The following MEIS1 variants were observed in gnomAD, a reference collection of about 807,000 sequenced individuals.
MEIS1 encodes homeobox protein Meis1.
MEIS1 carries 5 observed loss-of-function variants against 50.8 expected under a neutral mutation model. The observed-to-expected ratio is 0.10, with a 90% CI of 0.05 to 0.21. The LOEUF (loss-of-function observed/expected upper bound fraction) is 0.21. Among genes scored for constraint, MEIS1 ranks in the 10% least tolerant of loss-of-function variants. MEIS1 has a pLI of 1.00. For missense variants in MEIS1, 318 were observed against 517.3 expected (o/e 0.61, Z 3.74); for synonymous variants, 176 against 179.3 (o/e 0.98, Z 0.15).
intron 9 of MEIS1, among the ~76,000 whole-genome samples, chr2:66,548,302 C>G (rs1286231342): frequency 6.6e-6 from 1 of 152,184 alleles, no homozygotes; most frequent in Non-Finnish European, 1.5e-5. Context: ...ATGTATCTCT[C>G]TCTATGGCTT....
chr2:66,450,684 G>C (rs1519102), intron 6 of MEIS1, among the ~76,000 whole-genome samples: 103,701 of 151,948 alleles, frequency 0.68, 35,876 homozygotes, highest in South Asian at 0.79. Flanking sequence ...CAGTAAATAA[G>C]ATTTTTGAGT....
intron 9 of MEIS1, among the ~76,000 whole-genome samples, chr2:66,566,047 C>G (rs1675339345): frequency 6.6e-6 from 1 of 152,072 alleles, no homozygotes; most frequent in African/African-American, 2.4e-5. Context: ...TAATGATAAC[C>G]TGATTTGCAA....
intron 9 of MEIS1, among the ~76,000 whole-genome samples, chr2:66,548,310 C>G (rs551088573): frequency 6.6e-6 from 1 of 151,504 alleles, no homozygotes; most frequent in Non-Finnish European, 1.5e-5. Flanking sequence ...CTCTCTATGG[C>G]TTTTTTTTTC....
intron 9 of MEIS1, among the ~76,000 whole-genome samples, chr2:66,565,112 T>C (rs1265847127): frequency 6.6e-6 from 1 of 152,078 alleles, no homozygotes; most frequent in Non-Finnish European, 1.5e-5. Flanking sequence ...GAAGTGACCA[T>C]TACAGCCCTT....
intron 6 of MEIS1, among the ~76,000 whole-genome samples, chr2:66,447,530 T>A (rs1348048774): frequency 2.0e-5 from 3 of 152,218 alleles, no homozygotes; most frequent in African/African-American, 7.2e-5. Flanking sequence ...ACTGGCTAAT[T>A]GGGATGTTCA....
chr2:66,568,967 T>C (rs1675419518), intron 11 of MEIS1, 83 bp from the exon 12 acceptor site: 7 of 1,200,776 alleles, frequency 5.8e-6, no homozygotes, highest in Non-Finnish European at 8.5e-6. Flanking sequence ...CTAGATCCTG[T>C]TTTTTTTTTA....
At chr2:66,465,233 A>G (rs1373185835) in intron 7 of MEIS1, among the ~76,000 whole-genome samples, 3 of 152,222 alleles carry the variant, frequency 2.0e-5, no homozygotes, top group Non-Finnish European at 4.4e-5. Context: ...TGAGGCACAT[A>G]TATGCTGTTT....
rs1673819944 is a variant in MEIS1 at position 66,511,128 on chromosome 2, T to C, written c.743-1021T>C. Among the ~76,000 whole-genome samples, 4 of 152,212 alleles carry C rather than the reference T, an allele frequency of 2.6e-5. No individual in the cohort carries two copies. In the South Asian group the frequency reaches 8.3e-4, roughly 32 times the overall value. ...CGAGCTAAGCTACTTTTTAGTGTAA[T>C]GGGTCTTGTCCTTTGTTGTTTTCCT... On this transcript the variant is annotated intron_variant, in intron 7 of 12. Transcript: ENST00000272369.
At chr2:66,570,190 A>G (rs931148025) in intron 12 of MEIS1, 3 of 152,204 alleles carry the variant, frequency 2.0e-5, no homozygotes, top group Non-Finnish European at 2.9e-5. Context: ...AAGTTTAACA[A>G]TTAGCTCTGA....
At chr2:66,483,251 T>C (rs1285606085) in intron 7 of MEIS1, among the ~76,000 whole-genome samples, 1 of 150,980 alleles carries the variant, frequency 6.6e-6, no homozygotes, top group Non-Finnish European at 1.5e-5. Flanking sequence ...TTTTGTCTTT[T>C]TGTGGAGAAC....
intron 8 of MEIS1, among the ~76,000 whole-genome samples, chr2:66,540,476 A>G (rs1303535495): frequency 1.3e-5 from 2 of 151,942 alleles, no homozygotes; most frequent in Non-Finnish European, 2.9e-5. Flanking sequence ...CGCCCAGCTA[A>G]TTTTTGTACT....
chr2:66,563,745 G>A (rs947710559), intron 9 of MEIS1, among the ~76,000 whole-genome samples: 2 of 152,128 alleles, frequency 1.3e-5, no homozygotes, highest in African/African-American at 4.8e-5. Flanking sequence ...GAGCAAGAAT[G>A]TCATTTTATT....
chr2:66,491,083 G>A (rs1267644574), intron 7 of MEIS1, among the ~76,000 whole-genome samples: 6 of 130,410 alleles, frequency 4.6e-5, no homozygotes, highest in African/African-American at 2.4e-4. Context: ...GCCAACCAAT[G>A]GAAAAAAAAA....
chr2:66,512,386 C>CTT (rs1673852113), intron 8 of MEIS1, 92 bp downstream of exon 8: 16 of 1,355,694 alleles, frequency 1.2e-5, no homozygotes, highest in Non-Finnish European at 1.6e-5. Flanking sequence ...TCCCTCTGGA[C>CTT]TTGAAATATT....
chr2:66,444,469 C>T (rs1054190128), intron 6 of MEIS1, among the ~76,000 whole-genome samples: 3 of 152,344 alleles, frequency 2.0e-5, no homozygotes, highest in Non-Finnish European at 4.4e-5. Flanking sequence ...CTGAATTCCT[C>T]TTTTGCCCAT....
intron 8 of MEIS1, among the ~76,000 whole-genome samples, chr2:66,533,715 C>A (rs909572585): frequency 6.6e-6 from 1 of 151,942 alleles, no homozygotes; most frequent in African/African-American, 2.4e-5. Context: ...TTGTGCAGGG[C>A]TTCTTAAAAA....
intron 9 of MEIS1, among the ~76,000 whole-genome samples, chr2:66,553,203 G>A (rs1674965874): frequency 6.6e-6 from 1 of 152,098 alleles, no homozygotes. Context: ...TTAAGCAGGT[G>A]GTTTAACTTT....
At chr2:66,447,235 A>G (rs984136052) in intron 6 of MEIS1, among the ~76,000 whole-genome samples, 5 of 152,174 alleles carry the variant, frequency 3.3e-5, no homozygotes, top group African/African-American at 1.2e-4. Flanking sequence ...GAGGCAGAAA[A>G]ATGGTCCCTT....
chr2:66,486,727 G>A (rs146278694), intron 7 of MEIS1, among the ~76,000 whole-genome samples: 91 of 152,192 alleles, frequency 6.0e-4, no homozygotes, highest in African/African-American at 2.1e-3. Context: ...CTTCCTATCC[G>A]TGAGCATGGA....
Sources: allele counts gnomAD v4.1 joint callset (sites outside exome capture counted in the v4.1 genomes callset), GRCh38; gene constraint gnomAD v4.1.1; transcripts MANE v1.5; gene names NCBI Gene and HGNC (gene_info 2026-07-23, HGNC 2026-07-21).